SDK1: variants seen among roughly 807,000 people sequenced by gnomAD.
SDK1 encodes the protein sidekick cell adhesion molecule 1, also known as protein sidekick-1.
In SDK1, 157 loss-of-function variants were observed where a neutral mutation model predicts 245.5. The observed-to-expected ratio is 0.64, with a 90% CI of 0.56 to 0.73. The LOEUF (loss-of-function observed/expected upper bound fraction) is 0.73, where lower values mean the gene tolerates loss of function less well. SDK1 is among the 30% of genes least tolerant of loss of function. The pLI is 0.00. For synonymous variants in SDK1, 1,647 were observed against 1,278.5 expected, an observed-to-expected ratio of 1.29 and a Z score of -6.15; for missense variants, 3,583 against 3,002.3, an observed-to-expected ratio of 1.19 and a Z score of -4.52.
chr7:3,328,692 G>A (rs1016707334), intron 1 of SDK1, among the ~76,000 whole-genome samples: 8 of 151,530 alleles, frequency 5.3e-5, no homozygotes, highest in Non-Finnish European at 1.0e-4. Context: ...AGGATGATGC[G>A]CTCTCCATTT....
chr7:3,652,437 C>CCCCT (rs1409298734), intron 4 of SDK1, among the ~76,000 whole-genome samples: 1 of 152,330 alleles, frequency 6.6e-6, no homozygotes, highest in African/African-American at 2.4e-5. Flanking sequence ...CATGCGGTGG[C>CCCCT]CCCTCATGGC....
intron 1 of SDK1, among the ~76,000 whole-genome samples, chr7:3,327,026 C>T (rs1779956001): frequency 6.6e-6 from 1 of 152,152 alleles, no homozygotes. Flanking sequence ...TAATCTTAAG[C>T]TGATTTAATC....
At chr7:4,051,017 A>T (rs933034492) in intron 18 of SDK1, among the ~76,000 whole-genome samples, 3 of 141,544 alleles carry the variant, frequency 2.1e-5, no homozygotes, top group Admixed American at 1.5e-4. Context: ...AGTATACTAT[A>T]TGTGTATATG....
At chr7:3,664,509 T>G (rs2128660506) in intron 4 of SDK1, among the ~76,000 whole-genome samples, 1 of 152,038 alleles carries the variant, frequency 6.6e-6, no homozygotes, top group South Asian at 2.1e-4. Flanking sequence ...GAGGCCGAGG[T>G]GGGTGGATCA....
intron 1 of SDK1, among the ~76,000 whole-genome samples, chr7:3,320,212 A>T (rs549293080): frequency 6.6e-6 from 1 of 152,086 alleles, no homozygotes; most frequent in African/African-American, 2.4e-5. Context: ...GGAGGTGAGC[A>T]TTCTGGAGAC....
chr7:3,430,549 A>C (rs1015681632), intron 1 of SDK1, among the ~76,000 whole-genome samples: 13 of 152,136 alleles, frequency 8.5e-5, no homozygotes, highest in Admixed American at 8.5e-4. Context: ...TCTCTTTCTG[A>C]TGACTGTCTT....
intron 1 of SDK1, among the ~76,000 whole-genome samples, chr7:3,308,703 A>G (rs1779479118): frequency 6.6e-6 from 1 of 152,124 alleles, no homozygotes. Context: ...GGTTCAAAGA[A>G]TGGGCTAGAC....
chr7:3,679,150 G>A lies in SDK1; in HGVS notation c.713+37045G>A, dbSNP rs191018376. On this transcript the variant is annotated intron_variant, in intron 4 of 44. Transcript: ENST00000404826. ...TGCTCTGGGACAGATGCTGCAAAGA[G>A]GAATGAAAAAACAGGCTGCAAACTA... 4.0e-4 allele frequency among the ~76,000 whole-genome samples: 61 copies of A among 152,264 alleles called. 1 individual carries two copies. Among genetic ancestry groups the A allele is most frequent in the Admixed American group, 2.6e-3 (39 of 15,292 alleles).
intron 38 of SDK1, among the ~76,000 whole-genome samples, chr7:4,214,050 G>A (rs1784652935): frequency 6.6e-6 from 1 of 152,164 alleles, no homozygotes; most frequent in Admixed American, 6.5e-5. Context: ...TGTGGCTGCA[G>A]CTTTTCTTCT....
At chr7:4,074,890 A>C (rs1377832065) in intron 20 of SDK1, among the ~76,000 whole-genome samples, 5,897 of 63,428 alleles carry the variant, frequency 0.093, 239 homozygotes, top group African/African-American at 0.13. Flanking sequence ...CTCTCTGTAT[A>C]TATATATATA....
intron 20 of SDK1, among the ~76,000 whole-genome samples, chr7:4,076,320 G>A (rs1053401630): frequency 7.9e-5 from 12 of 152,192 alleles, no homozygotes; most frequent in East Asian, 3.9e-4. Flanking sequence ...AAGGGAGGCC[G>A]AGGCGGGAGG....
intron 4 of SDK1, among the ~76,000 whole-genome samples, chr7:3,728,858 G>C (rs990485937): frequency 8.7e-4 from 132 of 152,158 alleles, no homozygotes; most frequent in African/African-American, 3.1e-3. Context: ...CGCCCACTTT[G>C]GCCTCCCAAA....
At chr7:4,254,795 GT>G (rs1787528144) in intron 44 of SDK1, among the ~76,000 whole-genome samples, 1 of 152,174 alleles carries the variant, frequency 6.6e-6, no homozygotes, top group South Asian at 2.1e-4. Flanking sequence ...GATTCATTCA[GT>G]GAAGTCCATT....
chr7:3,336,511 A>G (rs1319394240), intron 1 of SDK1, among the ~76,000 whole-genome samples: 1 of 152,134 alleles, frequency 6.6e-6, no homozygotes, highest in East Asian at 1.9e-4. Context: ...GACCTCTTCC[A>G]TCCCCATCAT....
At chr7:4,121,977 G>A (rs1784091828) in intron 25 of SDK1, among the ~76,000 whole-genome samples, 1 of 152,152 alleles carries the variant, frequency 6.6e-6, no homozygotes, top group African/African-American at 2.4e-5. Context: ...TCAAGATGTG[G>A]ATGATTCAGA....
In SDK1 at chr7:4,245,674, A is replaced by G; in HGVS notation, c.6252-2A>G. 6.2e-7 allele frequency: 1 copy of G among 1,613,806 alleles called. No homozygotes were observed. The highest frequency in any genetic ancestry group is 8.5e-7 in the Non-Finnish European group (1 of 1,179,836). The stretch of plus-strand genomic sequence containing the variant: ...TAATTGCAGCATGGGTCCTCATCCT[A>G]GGTCCCCACCCCGGCCTAGCCCCGG... On this transcript the variant is annotated splice_acceptor_variant, in intron 43 of 44. Coordinates refer to ENST00000404826, the MANE Select transcript of SDK1 (RefSeq NM_152744.4). LOFTEE classifies it high-confidence loss of function.
rs71527471 is a variant in SDK1, at chr7:4,113,454, G to A, written c.3585+15G>A. The A allele has an allele frequency of 8.7e-6, 14 of 1,612,924 alleles. No individual in the cohort carries two copies. The highest frequency in any genetic ancestry group is 1.1e-5 in the Non-Finnish European group (13 of 1,179,794). ...TTCGCTGGGTGGTGAGTGGGGGTGA[G>A]AAGGGAGGCTGGAGGCACACGGGTC... On this transcript the variant is annotated intron_variant, in intron 24 of 44. Transcript: ENST00000404826.
intron 14 of SDK1, among the ~76,000 whole-genome samples, chr7:4,001,399 C>T (rs1049098995): frequency 9.9e-5 from 15 of 152,210 alleles, no homozygotes; most frequent in African/African-American, 3.4e-4. Flanking sequence ...TCCCGGTGAG[C>T]ATGTGTCTCC....
At chr7:3,340,784 C>A (rs939210164) in intron 1 of SDK1, among the ~76,000 whole-genome samples, 13 of 129,828 alleles carry the variant, frequency 1.0e-4, no homozygotes, top group Admixed American at 1.5e-4. Flanking sequence ...AAAAAAAAAT[C>A]ATCTATGAAG....
Sources: gnomAD v4.1 joint callset for allele counts (sites outside exome capture counted in the v4.1 genomes callset) on GRCh38, gnomAD v4.1.1 for gene constraint, MANE v1.5 for transcripts, NCBI Gene and HGNC (gene_info 2026-07-23, HGNC 2026-07-21) for gene names.